SLC26A7: variants seen among roughly 807,000 people sequenced by gnomAD.
SLC26A7 encodes solute carrier family 26 member 7, also known as anion exchange transporter.
A neutral mutation model predicts 82.5 loss-of-function variants in SLC26A7; 59 were observed. That is an observed-to-expected ratio of 0.72 (90% CI 0.58 to 0.89). The LOEUF is 0.89. Ranked by LOEUF, SLC26A7 falls within the 40% of genes least tolerant of loss-of-function variation. The pLI, the probability that SLC26A7 is intolerant of heterozygous loss-of-function variation, is 0.00. For synonymous variants in SLC26A7, 271 were observed against 274.3 expected, an observed-to-expected ratio of 0.99 and a Z score of 0.12; for missense variants, 820 against 793.0, an observed-to-expected ratio of 1.03 and a Z score of -0.41.
Position 91,225,899 on chromosome 8 carries a change from CA to C in SLC26A7, c.-34+6895del, listed in dbSNP as rs1334191663. Among the ~76,000 whole-genome samples the C allele has an allele frequency of 3.9e-5, 6 of 152,188 alleles. No individual in the cohort carries two copies. In the East Asian group the frequency reaches 9.7e-4, roughly 24 times the overall value. ...TCAGAGGTCATCAGTGACTTACTCCCAGTCCAGCTGCTCCTCCTCTGGCTGG... is the reference window on the plus strand; with the variant it reads ...TCAGAGGTCATCAGTGACTTACTCCCGTCCAGCTGCTCCTCCTCTGGCTGG... On this transcript the variant is annotated intron_variant, in intron 2 of 5. Coordinates refer to the SLC26A7 transcript ENST00000522862.
intron 13 of SLC26A7, 69 bp downstream of exon 13, chr8:91,363,607 T>C: frequency 2.3e-6 from 2 of 885,056 alleles, no homozygotes; most frequent in Non-Finnish European, 3.4e-6. Flanking sequence ...TTTTAAGACA[T>C]CACAAAAATT....
chr8:91,263,629 A>G (rs561830545), intron 2 of SLC26A7, among the ~76,000 whole-genome samples: 3 of 152,040 alleles, frequency 2.0e-5, no homozygotes, highest in South Asian at 4.1e-4. Flanking sequence ...TTTGCCTGGA[A>G]TATTCTCTTA....
chr8:91,376,465 G>A (rs1293190451), intron 15 of SLC26A7, among the ~76,000 whole-genome samples: 2 of 152,120 alleles, frequency 1.3e-5, no homozygotes, highest in Non-Finnish European at 2.9e-5. Flanking sequence ...TCATTTCTGG[G>A]TGCTTTCAGG....
chr8:91,251,655 T>C (rs1271361292), intron 2 of SLC26A7, among the ~76,000 whole-genome samples: 1 of 151,910 alleles, frequency 6.6e-6, no homozygotes. Flanking sequence ...CCTAACAGAA[T>C]CCCAAGACAC....
intron 2 of SLC26A7, among the ~76,000 whole-genome samples, chr8:91,238,576 T>C (rs537113011): frequency 2.4e-4 from 35 of 148,336 alleles, no homozygotes; most frequent in South Asian, 8.4e-4. Flanking sequence ...CACACACACA[T>C]ATATATATAT....
chr8:91,218,355 A>AAGAAGTGAG (rs60094350), intron 1 of SLC26A7, among the ~76,000 whole-genome samples: 115,804 of 151,972 alleles, frequency 0.76, 45,362 homozygotes, highest in African/African-American at 0.93. Context: ...ATTTTGTACA[A>AAGAAGTGAG]ATTATTTTGA....
At chr8:91,323,818 C>CT (rs3086210) in intron 5 of SLC26A7, among the ~76,000 whole-genome samples, 4,771 of 117,022 alleles carry the variant, frequency 0.041, 360 homozygotes, top group African/African-American at 0.13. Flanking sequence ...TTTTTCTTAT[C>CT]TTTTTTTTTT....
chr8:91,221,066 A>G (rs1421545040), intron 2 of SLC26A7, among the ~76,000 whole-genome samples: 2 of 152,188 alleles, frequency 1.3e-5, no homozygotes, highest in African/African-American at 2.4e-5. Flanking sequence ...CACCATTCTA[A>G]GTGGAGTGAG....
At position 91,361,087 on chromosome 8, in the gene SLC26A7, TTCTC is replaced by T. The variant is rs1243576045; in HGVS notation, c.1315-1262_1315-1259del. ...TAACATGAGATTCATTTAAATTGTATTCTCTCTTTTACTCCATAATGTGTGTTTG... is the reference window on the plus strand; with the variant it reads ...TAACATGAGATTCATTTAAATTGTATTCTTTTACTCCATAATGTGTGTTTG... On this transcript the variant is annotated intron_variant, in intron 11 of 18. Coordinates refer to ENST00000276609, the MANE Select transcript of SLC26A7 (RefSeq NM_052832.4). Among the ~76,000 whole-genome samples, 12 of 152,232 alleles carry T rather than the reference TTCTC, an allele frequency of 7.9e-5. No homozygotes were observed. The East Asian group carries it at 2.1e-3, about 27-fold the overall frequency.
Position 91,318,268 on chromosome 8 carries a change from C to A in SLC26A7, c.530C>A (p.Pro177His). 6.2e-7 allele frequency: 1 copy of A among 1,610,328 alleles called. No homozygotes were observed. Among genetic ancestry groups the A allele is most frequent in the Non-Finnish European group, 8.5e-7 (1 of 1,177,972 alleles). ...AGTGCCACATTTGTGGTCACAGAGC[C>A]TGTGATCAGCGCAATGACAACTGGG... ...LGSATFVVTE[P>H]VISAMTTGAA... Residue 177 changes from proline (P) to histidine (H), a missense_variant, in exon 5 of 19, where the codon CCT (proline) becomes CAT (histidine). By Grantham distance (77) the Pro-to-His change is moderately conservative. Coordinates refer to ENST00000276609, the MANE Select transcript of SLC26A7 (RefSeq NM_052832.4).
Position 91,369,767 on chromosome 8 carries a change from T to G in SLC26A7, c.1627-18T>G. On this transcript the variant is annotated intron_variant, in intron 14 of 18. Coordinates refer to ENST00000276609, the MANE Select transcript of SLC26A7 (RefSeq NM_052832.4). ...AATTTTATAACATTTTTCTTCTTTATGTTTGTTTTTATTTTAGTGTGAACA... is the reference window on the plus strand; with the variant it reads ...AATTTTATAACATTTTTCTTCTTTAGGTTTGTTTTTATTTTAGTGTGAACA... The G allele has an allele frequency of 6.4e-7, 1 of 1,552,420 alleles. No homozygotes were observed. Among genetic ancestry groups the G allele is most frequent in the South Asian group, 1.2e-5 (1 of 81,630 alleles).
At chr8:91,243,191 T>C (rs951730640) in intron 2 of SLC26A7, among the ~76,000 whole-genome samples, 2 of 152,184 alleles carry the variant, frequency 1.3e-5, no homozygotes, top group African/African-American at 4.8e-5. Flanking sequence ...GATCATAATG[T>C]TGGACAGTTT....
intron 2 of SLC26A7, among the ~76,000 whole-genome samples, chr8:91,283,052 C>A (rs953532165): frequency 2.6e-5 from 4 of 152,132 alleles, no homozygotes; most frequent in African/African-American, 9.7e-5. Flanking sequence ...AAAAATCATT[C>A]ATGTTTCCAT....
chr8:91,279,266 A>C (rs916587399), intron 2 of SLC26A7, among the ~76,000 whole-genome samples: 1 of 150,960 alleles, frequency 6.6e-6, no homozygotes, highest in Non-Finnish European at 1.5e-5. Context: ...GTGGGAGTGC[A>C]GGTATCTTTT....
In SLC26A7 at chr8:91,356,696, G is replaced by A. The variant is rs866834537; in HGVS notation, c.1314+3700G>A. Among the ~76,000 whole-genome samples, 55 of 152,210 alleles carry A rather than the reference G, an allele frequency of 3.6e-4. 2 individuals carry two copies. Among genetic ancestry groups the A allele is most frequent in the Middle Eastern group, 3.4e-3 (1 of 294 alleles). ...TTGTAGGTTGTCTGTTCACTCTGATGGTAGTTTCTTTTGCTGTGCAGAAGC... is the reference window on the plus strand; with the variant it reads ...TTGTAGGTTGTCTGTTCACTCTGATAGTAGTTTCTTTTGCTGTGCAGAAGC... On this transcript the variant is annotated intron_variant, in intron 11 of 18. Coordinates refer to ENST00000276609, the MANE Select transcript of SLC26A7 (RefSeq NM_052832.4).
At chr8:91,296,526 T>A (rs1429925586) in intron 4 of SLC26A7, among the ~76,000 whole-genome samples, 7 of 152,210 alleles carry the variant, frequency 4.6e-5, no homozygotes, top group Non-Finnish European at 1.0e-4. Flanking sequence ...GAAAAATAGT[T>A]GATGATTGGC....
intron 2 of SLC26A7, among the ~76,000 whole-genome samples, chr8:91,268,311 C>T (rs1329505186): frequency 2.0e-5 from 3 of 151,818 alleles, no homozygotes; most frequent in Non-Finnish European, 4.4e-5. Flanking sequence ...TATTTGGGTG[C>T]TCCAGTATTG....
intron 2 of SLC26A7, among the ~76,000 whole-genome samples, chr8:91,263,185 A>T (rs1282786116): frequency 6.6e-6 from 1 of 152,072 alleles, no homozygotes; most frequent in Non-Finnish European, 1.5e-5. Context: ...GCTAAAAGTT[A>T]TTTCAGTTCT....
chr8:91,362,880 A>T (rs892156676), intron 12 of SLC26A7, among the ~76,000 whole-genome samples: 1 of 152,028 alleles, frequency 6.6e-6, no homozygotes, highest in Non-Finnish European at 1.5e-5. Context: ...TATTTTCTAG[A>T]TAATTTATTG....
Sources: allele counts gnomAD v4.1 joint callset (sites outside exome capture counted in the v4.1 genomes callset), GRCh38; gene constraint gnomAD v4.1.1; transcripts MANE v1.5; gene names NCBI Gene and HGNC (gene_info 2026-07-23, HGNC 2026-07-21).